The following PPFIA2 variants were observed in gnomAD, a reference collection of about 807,000 sequenced individuals.
The protein encoded by PPFIA2 is PPFI scaffold protein A2.
A neutral mutation model predicts 175.5 loss-of-function variants in PPFIA2; 46 were observed. The ratio of observed to expected loss-of-function variants is 0.26; its 90% CI spans 0.21 to 0.34. The LOEUF (loss-of-function observed/expected upper bound fraction) is 0.34, where lower values mean the gene tolerates loss of function less well. Among genes scored for constraint, PPFIA2 ranks in the 10% least tolerant of loss-of-function variants. PPFIA2 has a pLI of 1.00. For missense variants in PPFIA2, 1,179 were observed against 1,506.1 expected (o/e 0.78, Z 3.60); for synonymous variants, 568 against 511.4 (o/e 1.11, Z -1.49).
At chr12:81,753,795 C>T (rs910939548) in intron 3 of PPFIA2, among the ~76,000 whole-genome samples, 178 bp downstream of exon 3, 8 of 152,136 alleles carry the variant, frequency 5.3e-5, no homozygotes, top group Non-Finnish European at 1.0e-4. Context: ...ATCAGTAGTC[C>T]ATGATTTTGT....
intron 4 of PPFIA2, among the ~76,000 whole-genome samples, chr12:81,506,560 T>C (rs1414260828): frequency 6.6e-6 from 1 of 152,236 alleles, no homozygotes; most frequent in Non-Finnish European, 1.5e-5. Context: ...TGAATTGAAT[T>C]AAACACATAT....
intron 4 of PPFIA2, among the ~76,000 whole-genome samples, chr12:81,536,374 C>A (rs573752333): frequency 2.6e-4 from 39 of 151,430 alleles, no homozygotes; most frequent in South Asian, 1.0e-3. Context: ...TGGTGCTTTA[C>A]CATAAAAATA....
intron 3 of PPFIA2, among the ~76,000 whole-genome samples, chr12:81,705,577 T>A (rs1567937689): frequency 1.3e-5 from 2 of 151,934 alleles, no homozygotes; most frequent in African/African-American, 4.8e-5. Flanking sequence ...CAAATCAATA[T>A]ACATTGCAAC....
intron 22 of PPFIA2, among the ~76,000 whole-genome samples, chr12:81,305,909 A>C (rs1209061332): frequency 6.6e-6 from 1 of 152,220 alleles, no homozygotes; most frequent in Non-Finnish European, 1.5e-5. Context: ...AGGGAACAGT[A>C]TGTCTCCTCC....
chr12:81,646,760 G>A (rs2153525959), intron 4 of PPFIA2, among the ~76,000 whole-genome samples: 1 of 152,252 alleles, frequency 6.6e-6, no homozygotes, highest in Admixed American at 6.5e-5. Context: ...CAAGTTACTG[G>A]CCTGTGAGAT....
At position 81,258,279 on chromosome 12, in the gene PPFIA2, T is replaced by A. The variant is rs531669023; in HGVS notation, c.*1415A>T. 5 of 152,184 alleles carry A rather than the reference T, an allele frequency of 3.3e-5. No individual in the cohort carries two copies. Among genetic ancestry groups the A allele is most frequent in the Admixed American group, 1.3e-4 (2 of 15,266 alleles). The allele number at this position is 152,184 out of a possible 1,614,324, so 9.4% of individuals were successfully genotyped here. ...TAAACAGAGAACTGGAATTATTATT[T>A]TTTTTATTGACAATGGAAAGGGTTT... On this transcript the variant is annotated 3_prime_UTR_variant, in exon 33 of 33. Coordinates refer to ENST00000549396, the MANE Select transcript of PPFIA2 (RefSeq NM_003625.5).
rs35873975 is a variant in PPFIA2 at position 81,432,112 on chromosome 12, G to GTT, written c.645+7858_645+7859dup. Among the ~76,000 whole-genome samples the GTT allele has an allele frequency of 9.4e-4, 143 of 151,704 alleles. 3 individuals are homozygous for GTT. Among genetic ancestry groups the GTT allele is most frequent in the African/African-American group, 3.4e-3 (142 of 41,256 alleles). Reference sequence around the variant, plus strand: ...TGTGATAAAACAAGATAAATAATTAGTTTTTTAATCATTTTTAAGTGTGCC... The same window carrying GTT: ...TGTGATAAAACAAGATAAATAATTAGTTTTTTTTAATCATTTTTAAGTGTGCC... On this transcript the variant is annotated intron_variant, in intron 7 of 32. Transcript: ENST00000549396.
rs186187337 is a variant in PPFIA2, at chr12:81,656,388, A to C, written c.303+20403T>G. 4.6e-5 allele frequency among the ~76,000 whole-genome samples: 7 copies of C among 152,252 alleles called. No homozygotes were observed. In the East Asian group the frequency reaches 1.3e-3, roughly 29 times the overall value. ...ATTCTTGACCTGTTAGAGAATGGTGATTTAAATTAGGTGAAATCTAGTGTT... is the reference window on the plus strand; with the variant it reads ...ATTCTTGACCTGTTAGAGAATGGTGCTTTAAATTAGGTGAAATCTAGTGTT... On this transcript the variant is annotated intron_variant, in intron 4 of 32. Transcript: ENST00000549396.
intron 7 of PPFIA2, among the ~76,000 whole-genome samples, chr12:81,433,588 G>A (rs995380843): frequency 1.3e-5 from 2 of 152,024 alleles, no homozygotes; most frequent in Admixed American, 1.3e-4. Context: ...ATTGAAAGAC[G>A]AAACAACTTG....
intron 14 of PPFIA2, among the ~76,000 whole-genome samples, chr12:81,366,389 C>T (rs1010833688): frequency 1.3e-5 from 2 of 151,554 alleles, no homozygotes; most frequent in Non-Finnish European, 3.0e-5. Flanking sequence ...ACACTCATTA[C>T]CCATCCCCTC....
At chr12:81,716,101 T>A (rs1157695638) in intron 3 of PPFIA2, among the ~76,000 whole-genome samples, 1 of 151,598 alleles carries the variant, frequency 6.6e-6, no homozygotes, top group African/African-American at 2.4e-5. Flanking sequence ...CTAGTAATAA[T>A]GGCTAATTGT....
chr12:81,261,474 G>A (rs2035517466), intron 32 of PPFIA2, among the ~76,000 whole-genome samples: 4 of 152,058 alleles, frequency 2.6e-5, no homozygotes, highest in Admixed American at 2.6e-4. Context: ...GCCTCGGCAA[G>A]TTTCTATTTT....
At chr12:81,640,411 C>T (rs192320585) in intron 4 of PPFIA2, among the ~76,000 whole-genome samples, 6 of 152,214 alleles carry the variant, frequency 3.9e-5, no homozygotes, top group African/African-American at 1.2e-4. Context: ...TCTTATCCTA[C>T]GTATCTAATC....
At position 81,456,497 on chromosome 12, in the gene PPFIA2, C is replaced by A. The variant is rs1305502089; in HGVS notation, c.405+1268G>T. ...CTATCTCTCATTAAAGGCACAAGCT[C>A]CCAGTTAGTAGAACTGTATTTTATA... On this transcript the variant is annotated intron_variant, in intron 5 of 32. Transcript: ENST00000549396. Among the ~76,000 whole-genome samples the A allele has an allele frequency of 2.0e-5, 3 of 152,152 alleles. No individual in the cohort carries two copies. In the South Asian group the frequency reaches 6.2e-4, roughly 32 times the overall value.
At chr12:81,503,345 A>AAAAC (rs1166907724) in intron 4 of PPFIA2, among the ~76,000 whole-genome samples, 1 of 152,146 alleles carries the variant, frequency 6.6e-6, no homozygotes, top group African/African-American at 2.4e-5. Context: ...AACAAAACAA[A>AAAAC]AAACAAACAA....
At chr12:81,517,318 T>C (rs1214284947) in intron 4 of PPFIA2, among the ~76,000 whole-genome samples, 1 of 152,082 alleles carries the variant, frequency 6.6e-6, no homozygotes, top group Non-Finnish European at 1.5e-5. Flanking sequence ...TTACTGTCTC[T>C]TCCAAAGTTA....
intron 17 of PPFIA2, chr12:81,350,342 C>A (rs1384007754): frequency 6.6e-6 from 1 of 152,074 alleles, no homozygotes; most frequent in Non-Finnish European, 1.5e-5. Context: ...AGTGCTAAGA[C>A]CTGCAAATAA....
chr12:81,723,133 T>C (rs757584929), intron 3 of PPFIA2, among the ~76,000 whole-genome samples: 2 of 151,246 alleles, frequency 1.3e-5, no homozygotes, highest in Non-Finnish European at 3.0e-5. Context: ...GTGTTAAGAA[T>C]ATTCTGTGTT....
chr12:81,418,096 C>T (rs1299811170), intron 7 of PPFIA2, among the ~76,000 whole-genome samples: 1 of 151,716 alleles, frequency 6.6e-6, no homozygotes, highest in Admixed American at 6.6e-5. Flanking sequence ...TATTATGGTT[C>T]AGCCAATTAA....
Sources: gnomAD v4.1 joint callset for allele counts (sites outside exome capture counted in the v4.1 genomes callset) on GRCh38, gnomAD v4.1.1 for gene constraint, MANE v1.5 for transcripts, NCBI Gene and HGNC (gene_info 2026-07-23, HGNC 2026-07-21) for gene names.